Variants in ADGRB3 observed in about 807,000 individuals in gnomAD.
ADGRB3 encodes the protein brain-specific angiogenesis inhibitor 3.
In ADGRB3, 37 loss-of-function variants were observed where a neutral mutation model predicts 193.4. The ratio of observed to expected loss-of-function variants is 0.19; its 90% CI spans 0.15 to 0.25. The LOEUF (loss-of-function observed/expected upper bound fraction) is 0.25. ADGRB3 is among the 10% of genes least tolerant of loss of function. The probability of loss-of-function intolerance (pLI) is 1.00; values close to 1 mark genes in which losing one functional copy is unlikely to be tolerated. For synonymous variants in ADGRB3, 690 were observed against 644.2 expected (o/e 1.07, Z -1.08); for missense variants, 1,637 against 1,852.9 (o/e 0.88, Z 2.14).
intron 17 of ADGRB3, among the ~76,000 whole-genome samples, chr6:69,128,405 G>A (rs1181109786): frequency 4.6e-5 from 7 of 152,084 alleles, no homozygotes; most frequent in South Asian, 2.1e-4. Context: ...GGATCTTGTG[G>A]TCTGTGACTT....
intron 3 of ADGRB3, among the ~76,000 whole-genome samples, chr6:68,861,569 A>AAAT (rs1765157425): frequency 6.6e-6 from 1 of 151,954 alleles, no homozygotes; most frequent in East Asian, 1.9e-4. Context: ...CTCCAAAAAA[A>AAAT]AAATAAATAA....
At chr6:68,860,519 G>A (rs1245408095) in intron 3 of ADGRB3, among the ~76,000 whole-genome samples, 6 of 152,122 alleles carry the variant, frequency 3.9e-5, no homozygotes, top group African/African-American at 1.2e-4. Context: ...ATTTCACTTA[G>A]GATAATGGCC....
At chr6:69,007,509 A>G (rs1013696119) in intron 11 of ADGRB3, among the ~76,000 whole-genome samples, 2 of 151,842 alleles carry the variant, frequency 1.3e-5, no homozygotes, top group Non-Finnish European at 2.9e-5. Flanking sequence ...ACTTGTTCAG[A>G]CTGTCATTTA....
At chr6:69,086,351 T>G (rs1772550943) in intron 17 of ADGRB3, among the ~76,000 whole-genome samples, 1 of 152,106 alleles carries the variant, frequency 6.6e-6, no homozygotes, top group Non-Finnish European at 1.5e-5. Context: ...GTTCAGATGT[T>G]TTTTGATACT....
In ADGRB3 at chr6:69,331,370, AG is replaced by A. The variant is rs1383567566; in HGVS notation, c.3102+801del. 1.6e-4 allele frequency among the ~76,000 whole-genome samples: 25 copies of A among 152,290 alleles called. No homozygotes were observed. In the South Asian group the frequency reaches 2.1e-3, roughly 13 times the overall value. ...GCCCAATAAATCTTTAAAGAAAATAAGGGAGGAAAGAAACTGTCTAAATTAA... is the reference window on the plus strand; with the variant it reads ...GCCCAATAAATCTTTAAAGAAAATAAGGAGGAAAGAAACTGTCTAAATTAA... On this transcript the variant is annotated intron_variant, in intron 23 of 31. Coordinates refer to ENST00000370598, the MANE Select transcript of ADGRB3 (RefSeq NM_001704.3).
At chr6:69,061,873 T>C (rs62416806) in intron 15 of ADGRB3, among the ~76,000 whole-genome samples, 4,204 of 86,590 alleles carry the variant, frequency 0.049, 80 homozygotes, top group Non-Finnish European at 0.077. Context: ...AAGGGATTGT[T>C]TGTCTATGTT....
rs556694507 is a variant in ADGRB3 at position 69,081,257 on chromosome 6, A to T, written c.2480+5219A>T. On this transcript the variant is annotated intron_variant, in intron 17 of 31. Coordinates refer to ENST00000370598, the MANE Select transcript of ADGRB3 (RefSeq NM_001704.3). ...CTTTTTGTCCCTTGATTATATTCAC[A>T]CTGAAAATACTGAAAATACTAGACC... Among the ~76,000 whole-genome samples, 110 of 151,936 alleles carry T rather than the reference A, an allele frequency of 7.2e-4. 1 individual carries two copies. Among genetic ancestry groups the T allele is most frequent in the African/African-American group, 2.5e-3 (104 of 41,416 alleles).
intron 20 of ADGRB3, among the ~76,000 whole-genome samples, chr6:69,308,624 G>A (rs1032737006): frequency 7.9e-5 from 12 of 151,582 alleles, no homozygotes; most frequent in South Asian, 2.1e-4. Context: ...AGGAAAATGC[G>A]AAAGAAGAGT....
intron 20 of ADGRB3, among the ~76,000 whole-genome samples, chr6:69,310,888 C>T (rs1768175019): frequency 6.6e-6 from 1 of 151,590 alleles, no homozygotes; most frequent in Non-Finnish European, 1.5e-5. Flanking sequence ...TATTTATAGT[C>T]ATTACTTATA....
chr6:69,100,848 GGGAGGGAA>G (rs1773016616), intron 17 of ADGRB3, among the ~76,000 whole-genome samples: 2 of 34,836 alleles, frequency 5.7e-5, no homozygotes, highest in Non-Finnish European at 1.5e-4. Context: ...GAAGGAGGGA[GGGAGGGAA>G]GGAAGGAAGG....
intron 3 of ADGRB3, among the ~76,000 whole-genome samples, chr6:68,804,831 A>G (rs1179078131): frequency 1.3e-5 from 2 of 152,128 alleles, no homozygotes; most frequent in African/African-American, 4.8e-5. Context: ...AGATCATTCA[A>G]ATTCAATTAA....
At chr6:68,909,082 C>A (rs1486066291) in intron 3 of ADGRB3, among the ~76,000 whole-genome samples, 3 of 152,062 alleles carry the variant, frequency 2.0e-5, no homozygotes, top group Non-Finnish European at 2.9e-5. Context: ...AGTAAAATTT[C>A]TTGAATGATG....
At chr6:69,169,732 A>G (rs1262996011) in intron 17 of ADGRB3, among the ~76,000 whole-genome samples, 2 of 152,144 alleles carry the variant, frequency 1.3e-5, no homozygotes, top group East Asian at 3.9e-4. Context: ...ATAATATTCT[A>G]TAACTATTGG....
rs868535270 is a variant in ADGRB3 at position 68,772,890 on chromosome 6, A to C, written c.757+133458A>C. ...ACAAACAAACAAACAAACAAAAAAA[A>C]AAAAATATATATATATATATATATA... On this transcript the variant is annotated intron_variant, in intron 3 of 31. Transcript: ENST00000370598. Among the ~76,000 whole-genome samples, 107 of 46,096 alleles carry C rather than the reference A, an allele frequency of 2.3e-3. 3 individuals carry two copies. The highest frequency in any genetic ancestry group is 9.8e-3 in the African/African-American group (85 of 8,636). The allele number at this position is 46,096 out of a possible 152,430, so 30.2% of individuals were successfully genotyped here.
At chr6:69,225,113 A>G (rs1441360283) in intron 17 of ADGRB3, among the ~76,000 whole-genome samples, 1 of 152,142 alleles carries the variant, frequency 6.6e-6, no homozygotes, top group Non-Finnish European at 1.5e-5. Flanking sequence ...CAAAAATATA[A>G]TTTTTTGTGC....
chr6:68,719,978 T>A (rs915125458), intron 3 of ADGRB3, among the ~76,000 whole-genome samples: 1 of 151,700 alleles, frequency 6.6e-6, no homozygotes, highest in African/African-American at 2.4e-5. Flanking sequence ...AAGGAGGGCT[T>A]TCATGTTTCA....
chr6:69,075,926 C>G (rs1420135549), intron 16 of ADGRB3, 69 bp from the exon 17 acceptor site: 7 of 1,169,040 alleles, frequency 6.0e-6, no homozygotes, highest in Non-Finnish European at 8.9e-6. Context: ...GTTTCTATTT[C>G]ACATAATCCC....
chr6:69,234,930 T>C, intron 18 of ADGRB3, 102 bp from the exon 19 acceptor site: 1 of 842,934 alleles, frequency 1.2e-6, no homozygotes, highest in Admixed American at 2.1e-5. Context: ...ATAACAACTA[T>C]ATAGGCTATT....
intron 17 of ADGRB3, among the ~76,000 whole-genome samples, chr6:69,143,958 A>G (rs1774412678): frequency 6.6e-6 from 1 of 152,192 alleles, no homozygotes; most frequent in South Asian, 2.1e-4. Context: ...CTGAATTTGT[A>G]GATTGCTTTG....
Sources: allele counts gnomAD v4.1 joint callset (sites outside exome capture counted in the v4.1 genomes callset), GRCh38; gene constraint gnomAD v4.1.1; transcripts MANE v1.5; gene names NCBI Gene and HGNC (gene_info 2026-07-23, HGNC 2026-07-21).